EIF4E3: variants seen among roughly 807,000 people sequenced by gnomAD.
EIF4E3 encodes eukaryotic translation initiation factor 4E family member 3, also known as eukaryotic translation initiation factor 4E type 3.
In EIF4E3, 26 loss-of-function variants were observed where a neutral mutation model predicts 31.7. The observed-to-expected ratio is 0.82, with a 90% CI of 0.60 to 1.14. The LOEUF (loss-of-function observed/expected upper bound fraction) is 1.14, where lower values mean the gene tolerates loss of function less well. Ranked by LOEUF, EIF4E3 falls within the 50% of genes most tolerant of loss-of-function variation. EIF4E3 has a pLI of 0.00. For synonymous variants in EIF4E3, 128 were observed against 107.7 expected (o/e 1.19, Z -1.17); for missense variants, 304 against 270.9 (o/e 1.12, Z -0.86).
chr3:71,690,751 T>G (rs1245752515), intron 5 of EIF4E3, among the ~76,000 whole-genome samples: 1 of 152,238 alleles, frequency 6.6e-6, no homozygotes, highest in East Asian at 1.9e-4. Flanking sequence ...TGCTTCCTGA[T>G]GCCTCCCTCT....
At chr3:71,724,027 A>G (rs1037049961) in intron 1 of EIF4E3, among the ~76,000 whole-genome samples, 14 of 152,182 alleles carry the variant, frequency 9.2e-5, no homozygotes, top group African/African-American at 3.4e-4. Context: ...AAAATCTTGC[A>G]GTCATTTTAT....
At chr3:71,704,594 A>G (rs1578352655) in intron 2 of EIF4E3, among the ~76,000 whole-genome samples, 3 of 152,324 alleles carry the variant, frequency 2.0e-5, no homozygotes, top group African/African-American at 7.2e-5. Context: ...GCCTAAGGAC[A>G]ACAGGGCCTG....
intron 1 of EIF4E3, among the ~76,000 whole-genome samples, chr3:71,715,449 A>G (rs569090133): frequency 1.9e-4 from 29 of 152,370 alleles, no homozygotes; most frequent in Non-Finnish European, 3.5e-4. Flanking sequence ...TCCCAAAGAC[A>G]AAGAAACAAT....
chr3:71,690,180 G>GAA lies in EIF4E3; in HGVS notation c.473-16_473-15insTT. ...TACTTCATCATCTGAGGGGAAGACAGGAAAAAAAAAAAATGAGTGATACTT... is the reference window on the plus strand; with the variant it reads ...TACTTCATCATCTGAGGGGAAGACAGAAGAAAAAAAAAAAATGAGTGATACTT... On this transcript the variant is annotated splice_polypyrimidine_tract_variant and intron_variant, in intron 5 of 6. Coordinates refer to ENST00000425534, the MANE Select transcript of EIF4E3 (RefSeq NM_001134651.2). The GAA allele has an allele frequency of 1.3e-6, 2 of 1,559,082 alleles. No individual in the cohort carries two copies. The highest frequency in any genetic ancestry group is 2.3e-5 in the East Asian group (1 of 43,308).
At position 71,692,505 on chromosome 3, in the gene EIF4E3, A is replaced by C. The variant is rs573850603; in HGVS notation, c.472+1370T>G. ...GTGTTTATAATTATACACAGGATAC[A>C]TTTTTGGCTGTATATTATCAAGTTG... is the stretch of plus-strand genomic sequence containing the variant. On this transcript the variant is annotated intron_variant, in intron 5 of 6. Transcript: ENST00000425534. Among the ~76,000 whole-genome samples, 24 of 152,064 alleles carry C rather than the reference A, an allele frequency of 1.6e-4. No homozygotes were observed. In the South Asian group the frequency reaches 2.3e-3, roughly 14 times the overall value.
Position 71,681,171 on chromosome 3 carries a change from C to T in EIF4E3, c.*3511G>A, listed in dbSNP as rs2107997568. 6.6e-6 allele frequency: 1 copy of T among 152,308 alleles called. No homozygotes were observed. The highest frequency in any genetic ancestry group is 3.4e-3 in the Middle Eastern group (1 of 294). 9.4% of individuals were successfully genotyped at this position (152,308 alleles called of 1,614,324 possible). A position where few individuals can be genotyped will look rare whatever the true frequency, so the allele number is the denominator to read the frequency against. ...CACATTTTTATTAGGTGCATGAAAA[C>T]TAAATGTCTTATTGCCAAGTATCAT... On this transcript the variant is annotated 3_prime_UTR_variant, in exon 7 of 7. Transcript: ENST00000425534.
At chr3:71,672,868 T>A (rs1273077221), downstream of EIF4E3, among the ~76,000 whole-genome samples, 2 of 152,110 alleles carry the variant, frequency 1.3e-5, no homozygotes, top group African/African-American at 4.8e-5. Flanking sequence ...TACTTTAATT[T>A]AAAAAATAGA....
At chr3:71,746,121 G>A (rs893463112) in intron 1 of EIF4E3, among the ~76,000 whole-genome samples, 2 of 152,098 alleles carry the variant, frequency 1.3e-5, no homozygotes. Flanking sequence ...AAAGCTTTCT[G>A]TACATATTTG....
At chr3:71,743,187 G>GA (rs988413466) in intron 1 of EIF4E3, among the ~76,000 whole-genome samples, 1 of 152,012 alleles carries the variant, frequency 6.6e-6, no homozygotes, top group Non-Finnish European at 1.5e-5. Context: ...CATCCAGACT[G>GA]AAAAAACGGT....
intron 1 of EIF4E3, among the ~76,000 whole-genome samples, chr3:71,733,320 C>T (rs928188639): frequency 6.6e-6 from 1 of 152,320 alleles, no homozygotes; most frequent in South Asian, 2.1e-4. Flanking sequence ...GATAAATCAA[C>T]AGCAAGCAAG....
At position 71,689,994 on chromosome 3, in the gene EIF4E3, G is replaced by C. The variant is rs368889224; in HGVS notation, c.628+16C>G. On this transcript the variant is annotated intron_variant, in intron 6 of 6. Coordinates refer to ENST00000425534, the MANE Select transcript of EIF4E3 (RefSeq NM_001134651.2). Reference sequence around the variant, plus strand: ...AGAGTAAGCTAGAAAGTAATAACTGGAAATGAAGCACTTACGTTTATAAAA... The same window carrying C: ...AGAGTAAGCTAGAAAGTAATAACTGCAAATGAAGCACTTACGTTTATAAAA... 8.4e-5 allele frequency: 134 copies of C among 1,587,356 alleles called. No homozygotes were observed. Among genetic ancestry groups the C allele is most frequent in the Middle Eastern group, 5.0e-4 (3 of 5,968 alleles).
downstream of EIF4E3, among the ~76,000 whole-genome samples, chr3:71,670,425 C>T (rs1277108676): frequency 6.6e-6 from 1 of 152,196 alleles, no homozygotes. Context: ...CCCCCAACCC[C>T]CGTGGCCCCA....
intron 2 of EIF4E3, among the ~76,000 whole-genome samples, chr3:71,708,392 T>C (rs535440426): frequency 1.3e-5 from 2 of 152,268 alleles, no homozygotes; most frequent in African/African-American, 2.4e-5. Flanking sequence ...TGCGTGATGG[T>C]TGTATGTGCG....
At chr3:71,754,596 G>A, upstream of EIF4E3, 1 of 1,428,564 alleles carries the variant, frequency 7.0e-7, no homozygotes, top group Non-Finnish European at 9.2e-7. This position sits in a 1 kb window ranked among gnomAD's most constrained non-coding sequence, Gnocchi z 5.8. Context: ...CGCCCCCGGC[G>A]CGCTGGGCTT....
chr3:71,737,022 T>C (rs1246411083), intron 1 of EIF4E3, among the ~76,000 whole-genome samples: 1 of 152,258 alleles, frequency 6.6e-6, no homozygotes, highest in Non-Finnish European at 1.5e-5. Flanking sequence ...AGCTACCATT[T>C]TGTGAATCCT....
intron 2 of EIF4E3, among the ~76,000 whole-genome samples, chr3:71,703,227 G>T (rs1293166555): frequency 6.6e-6 from 1 of 152,148 alleles, no homozygotes; most frequent in African/African-American, 2.4e-5. Flanking sequence ...GGGTCCTTGG[G>T]GAACTTAGCT....
At chr3:71,735,647 C>T (rs1427510148) in intron 1 of EIF4E3, among the ~76,000 whole-genome samples, 1 of 152,114 alleles carries the variant, frequency 6.6e-6, no homozygotes, top group African/African-American at 2.4e-5. Context: ...TTGAAAAACA[C>T]ATGGCACAAA....
the EIF4E3 span, among the ~76,000 whole-genome samples, chr3:71,661,851 G>A: frequency 6.6e-6 from 1 of 152,172 alleles, no homozygotes; most frequent in Non-Finnish European, 1.5e-5. Flanking sequence ...GTCTGGCATT[G>A]AGTAGGTGCT....
intron 4 of EIF4E3, among the ~76,000 whole-genome samples, chr3:71,694,600 T>C (rs2049109088): frequency 1.3e-5 from 2 of 152,318 alleles, no homozygotes; most frequent in East Asian, 1.9e-4. Context: ...TGGCATCCAA[T>C]AGACAGCTAC....
Sources: allele counts gnomAD v4.1 joint callset (sites outside exome capture counted in the v4.1 genomes callset), GRCh38; gene constraint gnomAD v4.1.1; non-coding constraint Gnocchi (gnomAD v3.1); transcripts MANE v1.5; gene names NCBI Gene and HGNC (gene_info 2026-07-23, HGNC 2026-07-21).